Variants in ATXN3 observed in about 807,000 individuals in gnomAD.
ATXN3 encodes ataxin 3, also known as ataxin-3.
Under a neutral mutation model 58.2 loss-of-function variants are expected in ATXN3, and 28 were observed. The observed-to-expected ratio is 0.48, with a 90% confidence interval of 0.36 to 0.66. The LOEUF (loss-of-function observed/expected upper bound fraction) is 0.66. Among genes scored for constraint, ATXN3 ranks in the 30% least tolerant of loss-of-function variants. ATXN3 has a pLI of 0.00. For missense variants in ATXN3, 321 were observed against 422.1 expected (o/e 0.76, Z 2.10); for synonymous variants, 113 against 138.5 (o/e 0.82, Z 1.29).
intron 10 of ATXN3, among the ~76,000 whole-genome samples, chr14:92,067,072 G>C (rs1329168582): frequency 1.3e-5 from 2 of 152,062 alleles, no homozygotes; most frequent in East Asian, 3.9e-4. Context: ...GCCCAGCCTA[G>C]AGTTTTTGTC....
chr14:92,045,119 T>A (rs2057420186), intron 2 of ATXN3, among the ~76,000 whole-genome samples: 2 of 152,152 alleles, frequency 1.3e-5, no homozygotes, highest in Admixed American at 1.3e-4. Flanking sequence ...ACCCTGTAGC[T>A]TCTCGAGGAC....
At chr14:92,079,392 A>AATAAAGACT in intron 9 of ATXN3, 2 of 941,526 alleles carry the variant, frequency 2.1e-6, no homozygotes, top group Non-Finnish European at 2.5e-6. Flanking sequence ...ATCTATACTG[A>AATAAAGACT]ATAAAGACTA....
At chr14:92,053,469 TCTC>T (rs1321989487), upstream of ATXN3, among the ~76,000 whole-genome samples, 1 of 149,472 alleles carries the variant, frequency 6.7e-6, no homozygotes, top group Admixed American at 6.7e-5. Context: ...CTTTTTCTGC[TCTC>T]CTTTTTTTTT....
downstream of ATXN3, among the ~76,000 whole-genome samples, chr14:92,057,605 CG>C (rs1055407079): frequency 1.3e-5 from 2 of 152,028 alleles, no homozygotes; most frequent in South Asian, 4.2e-4. Flanking sequence ...GGGTCTGGAT[CG>C]GGCCCCGGTC....
chr14:92,076,801 A>C (rs893694301), intron 9 of ATXN3, among the ~76,000 whole-genome samples: 1 of 151,462 alleles, frequency 6.6e-6, no homozygotes, highest in Admixed American at 6.6e-5. Context: ...TTAGCCAGGC[A>C]TGGAGGCACT....
chr14:92,051,390 A>G (rs542942963), upstream of ATXN3, among the ~76,000 whole-genome samples: 1 of 152,344 alleles, frequency 6.6e-6, no homozygotes, highest in South Asian at 2.1e-4. Flanking sequence ...TCAACAAAAC[A>G]TCAAGAATTC....
At chr14:92,103,897 T>C (rs775844276) in intron 1 of ATXN3, among the ~76,000 whole-genome samples, 10 of 152,130 alleles carry the variant, frequency 6.6e-5, no homozygotes, top group Non-Finnish European at 1.2e-4. Context: ...GTTAAAGGTA[T>C]ATTGCAGAGG....
intron 1 of ATXN3, among the ~76,000 whole-genome samples, chr14:92,100,491 G>C (rs533910617): frequency 1.8e-4 from 28 of 151,962 alleles, no homozygotes; most frequent in South Asian, 1.2e-3. Flanking sequence ...ACTCACAAAA[G>C]AATACTAGAT....
intron 1 of ATXN3, among the ~76,000 whole-genome samples, chr14:92,100,718 G>A (rs2066578802): frequency 6.6e-6 from 1 of 152,136 alleles, no homozygotes; most frequent in Non-Finnish European, 1.5e-5. Flanking sequence ...TATTTGGTGG[G>A]AATGCAGTGG....
chr14:92,066,065 T>C (rs2058341608), intron 10 of ATXN3, among the ~76,000 whole-genome samples: 1 of 151,406 alleles, frequency 6.6e-6, no homozygotes, highest in Non-Finnish European at 1.5e-5. Flanking sequence ...AGTGCTAGTA[T>C]TACAGCACTT....
chr14:92,105,927 C>T (rs2068204492), intron 1 of ATXN3, among the ~76,000 whole-genome samples: 1 of 152,198 alleles, frequency 6.6e-6, no homozygotes, highest in East Asian at 1.9e-4. Flanking sequence ...TGTTTAGGGG[C>T]ACGCCGGGTT....
At chr14:92,078,688 G>C (rs1401217702) in intron 9 of ATXN3, among the ~76,000 whole-genome samples, 1 of 152,044 alleles carries the variant, frequency 6.6e-6, no homozygotes, top group Non-Finnish European at 1.5e-5. Context: ...ACATTAACTA[G>C]ATAATTGATG....
chr14:92,048,469 G>A (rs2140162017), intron 1 of ATXN3, among the ~76,000 whole-genome samples: 1 of 152,352 alleles, frequency 6.6e-6, no homozygotes. Flanking sequence ...ACGGCCTTCT[G>A]GCCATTCTGG....
At chr14:92,088,349 C>T (rs1460842827) in intron 6 of ATXN3, among the ~76,000 whole-genome samples, 8 of 152,070 alleles carry the variant, frequency 5.3e-5, no homozygotes, top group Admixed American at 2.0e-4. Flanking sequence ...GGATTACAGG[C>T]GTGAGCCACC....
At chr14:92,085,175 GACTTC>G (rs1381639094) in intron 6 of ATXN3, among the ~76,000 whole-genome samples, 1 of 151,624 alleles carries the variant, frequency 6.6e-6, no homozygotes, top group East Asian at 1.9e-4. Flanking sequence ...TTTTATTCAA[GACTTC>G]ACATATTTTT....
At position 92,081,047 on chromosome 14, in the gene ATXN3, T is replaced by C; in HGVS notation, c.790A>G (p.Ile264Val). Reference protein sequence around the residue: ...QLSMQGSSRNISQDMTQTSGT... With the variant: ...QLSMQGSSRNVSQDMTQTSGT... ...GATGTCTGTGTCATATCTTGAGATA[T>C]GTTTCTGGAACTACCTGAAAACAAA... The change falls in exon 9 of 11, where the codon ATA becomes GTA. Residue 264 changes from isoleucine (I) to valine (V), a missense_variant. Physicochemically the swap from Ile to Val is conservative, Grantham distance 29. This residue lies in a region of ATXN3 where 200 missense variants were observed against 223.2 expected (regional missense o/e 0.90). Transcript: ENST00000644486. 1.2e-6 allele frequency: 2 copies of C among 1,609,534 alleles called. No individual in the cohort carries two copies. The highest frequency in any genetic ancestry group is 1.1e-5 in the South Asian group (1 of 90,932).
intron 10 of ATXN3, among the ~76,000 whole-genome samples, chr14:92,066,656 G>T (rs1358225361): frequency 6.9e-6 from 1 of 144,940 alleles, no homozygotes; most frequent in African/African-American, 2.6e-5. Flanking sequence ...CACCCAGGCT[G>T]GAGTACAGTG....
At chr14:92,076,931 T>A (rs1284422665) in intron 9 of ATXN3, among the ~76,000 whole-genome samples, 5 of 88,106 alleles carry the variant, frequency 5.7e-5, no homozygotes, top group Non-Finnish European at 9.5e-5. Flanking sequence ...CAGAGTGAGA[T>A]TTCGTCTCAA....
intron 4 of ATXN3, 143 bp downstream of exon 4, chr14:92,093,603 G>T: frequency 1.4e-6 from 1 of 720,586 alleles, no homozygotes; most frequent in Non-Finnish European, 2.3e-6. Context: ...ACATCACAAA[G>T]GTGAAATAGG....
Sources: gnomAD v4.1 joint callset for allele counts (sites outside exome capture counted in the v4.1 genomes callset) on GRCh38, gnomAD v4.1.1 for gene constraint, gnomAD v4.1.1 regional missense constraint, MANE v1.5 for transcripts, NCBI Gene and HGNC (gene_info 2026-07-23, HGNC 2026-07-21) for gene names.